NTRK3: variants seen among roughly 807,000 people sequenced by gnomAD.
The protein encoded by NTRK3 is NT-3 growth factor receptor.
In NTRK3, 24 loss-of-function variants were observed where a neutral mutation model predicts 91.7. The observed-to-expected ratio is 0.26, with a 90% confidence interval of 0.19 to 0.37. The LOEUF (loss-of-function observed/expected upper bound fraction) is 0.37. Ranked by LOEUF, NTRK3 falls within the 10% of genes least tolerant of loss-of-function variation. NTRK3 has a pLI of 1.00. For missense variants in NTRK3, 880 were observed against 1,068.9 expected (o/e 0.82, Z 2.46); for synonymous variants, 483 against 404.0 (o/e 1.20, Z -2.34).
chr15:88,189,659 G>T (rs2047229991), intron 3 of NTRK3, among the ~76,000 whole-genome samples: 1 of 152,076 alleles, frequency 6.6e-6, no homozygotes, highest in South Asian at 2.1e-4. Context: ...GGCCAGGCTG[G>T]TCTCAAACTC....
chr15:88,172,635 G>A (rs1260700858), intron 5 of NTRK3, among the ~76,000 whole-genome samples: 1 of 152,228 alleles, frequency 6.6e-6, no homozygotes, highest in Non-Finnish European at 1.5e-5. Flanking sequence ...TCCAAGAAGA[G>A]GTTAGGGTTT....
intron 14 of NTRK3, among the ~76,000 whole-genome samples, chr15:87,982,410 T>G (rs2074366316): frequency 6.6e-6 from 1 of 152,148 alleles, no homozygotes; most frequent in African/African-American, 2.4e-5. Context: ...TCAAAGGCAT[T>G]TCCAAAGAAG....
intron 14 of NTRK3, among the ~76,000 whole-genome samples, chr15:87,952,225 GAAAGAAAAGA>G (rs144541362): frequency 1.3e-5 from 2 of 148,584 alleles, no homozygotes; most frequent in South Asian, 4.3e-4. Context: ...AAAGAAAAGA[GAAAGAAAAGA>G]AAAGAAAAAG....
chr15:88,103,966 C>T (rs566828055), intron 13 of NTRK3, among the ~76,000 whole-genome samples: 70 of 152,330 alleles, frequency 4.6e-4, no homozygotes, highest in African/African-American at 1.6e-3. Flanking sequence ...TAACTGGCCA[C>T]TGACTTAGGT....
rs143418678 is a variant in NTRK3 at position 88,172,895 on chromosome 15, G to A, written c.395+10523C>T. ...GCCACCTGCCTCACAAGGGTACCAG[G>A]AGCAGTACCTTTACAGGGCCTCAGA... is the stretch of plus-strand genomic sequence containing the variant. On this transcript the variant is annotated intron_variant, in intron 5 of 18. Coordinates refer to ENST00000394480, the Ensembl canonical transcript of NTRK3. 1.1e-4 allele frequency among the ~76,000 whole-genome samples: 16 copies of A among 152,302 alleles called. No individual in the cohort carries two copies. The South Asian group carries it at 2.1e-3, about 20-fold the overall frequency.
At chr15:88,228,827 CA>C (rs2050915101) in intron 3 of NTRK3, among the ~76,000 whole-genome samples, 1 of 152,130 alleles carries the variant, frequency 6.6e-6, no homozygotes, top group East Asian at 1.9e-4. Context: ...CTCACCTTGC[CA>C]TAGAGATTGA....
At chr15:87,997,748 G>A (rs1596595069) in intron 14 of NTRK3, among the ~76,000 whole-genome samples, 4 of 152,164 alleles carry the variant, frequency 2.6e-5, no homozygotes, top group African/African-American at 7.2e-5. Context: ...TGGGGTCATA[G>A]TTTCTCCAGA....
chr15:87,923,580 T>C (rs1049938722), intron 17 of NTRK3, among the ~76,000 whole-genome samples: 1 of 152,226 alleles, frequency 6.6e-6, no homozygotes, highest in Non-Finnish European at 1.5e-5. Context: ...TGAGTATCTA[T>C]TTGATACAGC....
intron 14 of NTRK3, among the ~76,000 whole-genome samples, chr15:88,024,339 G>C (rs1305270411): frequency 6.6e-6 from 1 of 152,208 alleles, no homozygotes; most frequent in Non-Finnish European, 1.5e-5. Context: ...GTGAGGCCAG[G>C]AACTCCACAC....
At chr15:87,975,257 C>G (rs16941083) in intron 14 of NTRK3, among the ~76,000 whole-genome samples, 2 of 152,146 alleles carry the variant, frequency 1.3e-5, no homozygotes, top group Middle Eastern at 3.4e-3. Context: ...TGTGTTAGAT[C>G]GAATTTCACC....
chr15:88,184,390 T>A, intron 3 of NTRK3, 91 bp from the exon 4 acceptor site: 1 of 1,206,854 alleles, frequency 8.3e-7, no homozygotes, highest in Non-Finnish European at 1.2e-6. Flanking sequence ...TGATCCCCGA[T>A]GAGCTAATTG....
At chr15:87,929,137 T>G (rs2141907202) in intron 17 of NTRK3, 54 bp downstream of exon 17, 1 of 1,613,746 alleles carries the variant, frequency 6.2e-7, no homozygotes, top group Non-Finnish European at 8.5e-7. Context: ...AAAAGACATG[T>G]AAGCAAGGCG....
In NTRK3 at chr15:88,192,732, C is replaced by A. The variant is rs920524011; in HGVS notation, c.249-8433G>T. Among the ~76,000 whole-genome samples the A allele has an allele frequency of 2.0e-5, 3 of 152,210 alleles. No individual in the cohort carries two copies. The South Asian group carries it at 6.2e-4, about 32-fold the overall frequency. On this transcript the variant is annotated intron_variant, in intron 3 of 18. Coordinates refer to ENST00000394480, the Ensembl canonical transcript of NTRK3. ...CCAGTCACACTGTCCTGCTTCTGGT[C>A]TTTAAATATGCCAAGCTTATTCCCA...
At chr15:88,199,586 C>T (rs138906303) in intron 3 of NTRK3, among the ~76,000 whole-genome samples, 257 of 152,296 alleles carry the variant, frequency 1.7e-3, no homozygotes, top group African/African-American at 6.0e-3. Flanking sequence ...CATAGTGGGG[C>T]AGGACAGGGG....
intron 14 of NTRK3, among the ~76,000 whole-genome samples, chr15:87,961,416 A>G (rs1313242159): frequency 6.6e-6 from 1 of 152,262 alleles, no homozygotes; most frequent in Non-Finnish European, 1.5e-5. Context: ...GAATCTGGAG[A>G]CACTCCTTCT....
At chr15:88,006,466 C>T (rs762042945) in intron 14 of NTRK3, among the ~76,000 whole-genome samples, 4 of 152,190 alleles carry the variant, frequency 2.6e-5, no homozygotes, top group Admixed American at 6.5e-5. Flanking sequence ...TCATCATGCA[C>T]AACTGCAGGT....
chr15:87,907,264 G>C (rs1051032535), intron 17 of NTRK3, among the ~76,000 whole-genome samples: 1 of 152,094 alleles, frequency 6.6e-6, no homozygotes, highest in African/African-American at 2.4e-5. Context: ...CTTCTATAAT[G>C]GTTCTGCTTG....
At chr15:88,227,276 C>T (rs2050755231) in intron 3 of NTRK3, among the ~76,000 whole-genome samples, 1 of 152,210 alleles carries the variant, frequency 6.6e-6, no homozygotes, top group Non-Finnish European at 1.5e-5. Flanking sequence ...CTATCACCAG[C>T]TTTCCCTTGG....
intron 17 of NTRK3, among the ~76,000 whole-genome samples, chr15:87,926,171 A>G (rs1027439432): frequency 6.6e-6 from 1 of 152,220 alleles, no homozygotes; most frequent in Admixed American, 6.5e-5. Context: ...TGTCATTCCA[A>G]TGTCTTCCAA....
Sources: allele counts gnomAD v4.1 joint callset (sites outside exome capture counted in the v4.1 genomes callset), GRCh38; gene constraint gnomAD v4.1.1; transcripts MANE v1.5; gene names NCBI Gene and HGNC (gene_info 2026-07-23, HGNC 2026-07-21).